Variants in SLC7A2 observed in about 807,000 individuals in gnomAD.
The protein encoded by SLC7A2 is cationic amino acid transporter 2.
SLC7A2 carries 48 observed loss-of-function variants against 58.9 expected under a neutral mutation model. That is an observed-to-expected ratio of 0.82 (90% CI 0.65 to 1.04). The LOEUF (loss-of-function observed/expected upper bound fraction) is 1.04. Among genes scored for constraint, SLC7A2 ranks in the 50% least tolerant of loss-of-function variants. SLC7A2 has a pLI of 0.00. For missense variants in SLC7A2, 1,029 were observed against 818.8 expected (o/e 1.26, Z -3.13); for synonymous variants, 363 against 314.5 (o/e 1.15, Z -1.63).
intron 2 of SLC7A2, among the ~76,000 whole-genome samples, chr8:17,514,153 AT>A (rs1800710359): frequency 6.6e-6 from 1 of 152,136 alleles, no homozygotes; most frequent in Non-Finnish European, 1.5e-5. Flanking sequence ...TCTCTCAGCA[AT>A]TTCATCCCAA....
At chr8:17,556,643 C>G (rs1802717038) in intron 8 of SLC7A2, among the ~76,000 whole-genome samples, 1 of 151,642 alleles carries the variant, frequency 6.6e-6, no homozygotes, top group Admixed American at 6.6e-5. Flanking sequence ...GGGTGTCACT[C>G]TGTCACCCAG....
intron 7 of SLC7A2, among the ~76,000 whole-genome samples, chr8:17,554,125 C>T (rs1802578554): frequency 6.6e-6 from 1 of 152,144 alleles, no homozygotes; most frequent in African/African-American, 2.4e-5. Context: ...ATAAAGGTTG[C>T]AACTATTGCT....
rs781511424 is a variant in SLC7A2 at position 17,543,434 on chromosome 8, G to A, written c.95G>A (p.Arg32His). 5.6e-6 allele frequency: 9 copies of A among 1,614,118 alleles called. No individual in the cohort carries two copies. Among genetic ancestry groups the A allele is most frequent in the East Asian group, 2.2e-5 (1 of 44,868 alleles). The part of the protein sequence containing the change: ...LDSLEDTKLC[R>H]CLSTMDLIAL... Reference sequence around the variant, plus strand: ...AGTCTAGAAGACACCAAATTATGCCGCTGCTTATCCACCATGGACCTCATT... The same window carrying A: ...AGTCTAGAAGACACCAAATTATGCCACTGCTTATCCACCATGGACCTCATT... Residue 32 changes from arginine (R) to histidine (H), a missense_variant, in exon 3 of 13, where the codon CGC becomes CAC. By Grantham distance (29) the Arg-to-His change is conservative. Coordinates refer to ENST00000494857, the MANE Select transcript of SLC7A2 (RefSeq NM_001370338.1).
At position 17,554,692 on chromosome 8, in the gene SLC7A2, A is replaced by C; in HGVS notation, c.1188A>C (p.Ala396=). The change falls in exon 8 of 13, where the codon GCA becomes GCC. Residue 396 remains alanine, a synonymous_variant. Transcript: ENST00000494857. ...TPIIATLSSG[A]VAALMAFLFD... ...TAATTGCTACTTTATCATCGGGTGC[A>C]GTGGCAGGTGAGAGAGAGTTGACTT... is the stretch of plus-strand genomic sequence containing the variant. 6.2e-7 allele frequency: 1 copy of C among 1,610,664 alleles called. No homozygotes were observed. The highest frequency in any genetic ancestry group is 8.5e-7 in the Non-Finnish European group (1 of 1,179,122).
intron 2 of SLC7A2, among the ~76,000 whole-genome samples, chr8:17,512,574 G>T (rs896463115): frequency 6.6e-6 from 1 of 152,032 alleles, no homozygotes; most frequent in African/African-American, 2.4e-5. Flanking sequence ...AGAACCCCAA[G>T]TGGAGTGGAG....
chr8:17,543,607 G>A lies in SLC7A2; in HGVS notation c.268G>A (p.Gly90Arg), dbSNP rs1802020734. ...VMAGLCYAEF[G>R]ARVPKTGSAY... ...GGCTGGCCTCTGCTATGCCGAATTT[G>A]GGGCCCGTGTTCCCAAGACGGGGTC... The change falls in exon 3 of 13, where the codon GGG becomes AGG. Residue 90 changes from glycine to arginine, a missense_variant. By Grantham distance (125) the Gly-to-Arg change is moderately radical. Coordinates refer to ENST00000494857, the MANE Select transcript of SLC7A2 (RefSeq NM_001370338.1). The A allele has an allele frequency of 6.2e-7, 1 of 1,603,694 alleles. No individual in the cohort carries two copies.
At chr8:17,558,184 C>T (rs1219851087) in intron 8 of SLC7A2, 111 bp from the exon 9 acceptor site, 1 of 684,048 alleles carries the variant, frequency 1.5e-6, no homozygotes, top group Non-Finnish European at 2.7e-6. Flanking sequence ...GTTGACTTAT[C>T]CTTGGTACTA....
At chr8:17,495,146 C>A (rs769282758), upstream of SLC7A2, among the ~76,000 whole-genome samples, 1 of 152,044 alleles carries the variant, frequency 6.6e-6, no homozygotes, top group Non-Finnish European at 1.5e-5. Flanking sequence ...TTTTTTCTTT[C>A]TTTATTTTAA....
At chr8:17,504,353 A>T (rs983517351) in intron 2 of SLC7A2, among the ~76,000 whole-genome samples, 1 of 152,170 alleles carries the variant, frequency 6.6e-6, no homozygotes, top group Non-Finnish European at 1.5e-5. Context: ...TGTCTAGGGG[A>T]TTGAAACCCT....
chr8:17,495,923 T>C (rs564728718), upstream of SLC7A2, among the ~76,000 whole-genome samples: 129 of 152,358 alleles, frequency 8.5e-4, 1 homozygote, highest in Non-Finnish European at 1.4e-3. Context: ...TGTGCTATCT[T>C]CTGGAATGAA....
intron 2 of SLC7A2, among the ~76,000 whole-genome samples, chr8:17,536,930 G>A (rs1184345858): frequency 2.0e-5 from 3 of 152,328 alleles, no homozygotes; most frequent in Non-Finnish European, 4.4e-5. Context: ...CACACCCAGC[G>A]TTAGAAGCGC....
At chr8:17,530,263 C>T (rs1176325902) in intron 2 of SLC7A2, among the ~76,000 whole-genome samples, 1 of 152,218 alleles carries the variant, frequency 6.6e-6, no homozygotes, top group Non-Finnish European at 1.5e-5. Context: ...AAAGAACCTT[C>T]TTGCTGTGTC....
intron 5 of SLC7A2, among the ~76,000 whole-genome samples, chr8:17,549,545 G>A (rs945278894): frequency 1.3e-5 from 2 of 152,162 alleles, no homozygotes; most frequent in Admixed American, 1.3e-4. Flanking sequence ...ATAACAATGA[G>A]TATTTTTGAG....
intron 2 of SLC7A2, among the ~76,000 whole-genome samples, chr8:17,542,724 A>G (rs938277458): frequency 6.6e-6 from 1 of 152,118 alleles, no homozygotes; most frequent in Non-Finnish European, 1.5e-5. Context: ...AAGATGAGGC[A>G]ATTCACTCCT....
chr8:17,501,108 G>C (rs1800142839), intron 1 of SLC7A2, among the ~76,000 whole-genome samples: 1 of 151,944 alleles, frequency 6.6e-6, no homozygotes, highest in South Asian at 2.1e-4. Context: ...TCACCTCGTG[G>C]GTTCAAGCAG....
At chr8:17,547,386 C>T (rs557166768) in intron 4 of SLC7A2, among the ~76,000 whole-genome samples, 3 of 152,088 alleles carry the variant, frequency 2.0e-5, no homozygotes, top group African/African-American at 7.2e-5. Flanking sequence ...CACTGGGTCC[C>T]TCCCATGATA....
At chr8:17,537,309 C>T (rs979495033) in intron 2 of SLC7A2, among the ~76,000 whole-genome samples, 5 of 152,170 alleles carry the variant, frequency 3.3e-5, no homozygotes, top group African/African-American at 7.2e-5. Flanking sequence ...CCTCAAGCCT[C>T]CCAAAGTGCT....
intron 2 of SLC7A2, among the ~76,000 whole-genome samples, chr8:17,503,433 C>G (rs1466834537): frequency 6.6e-6 from 1 of 152,124 alleles, no homozygotes; most frequent in Non-Finnish European, 1.5e-5. Flanking sequence ...TCCTGAAATT[C>G]ACTTTATATT....
chr8:17,543,537 C>A lies in SLC7A2; in HGVS notation c.198C>A (p.Pro66=). 1 of 1,613,040 alleles carries A rather than the reference C, an allele frequency of 6.2e-7. No homozygotes were observed. Among genetic ancestry groups the A allele is most frequent in the Non-Finnish European group, 8.5e-7 (1 of 1,179,414 alleles). The change falls in exon 3 of 13, where the codon CCC becomes CCA. Residue 66 remains proline (P), a synonymous_variant. Coordinates refer to ENST00000494857, the MANE Select transcript of SLC7A2 (RefSeq NM_001370338.1). ...AGEVAKADSG[P]SIVVSFLIAA... ...AGGTGGCCAAGGCAGACTCGGGCCC[C>A]AGCATCGTGGTGTCCTTCCTCATTG...
Sources: gnomAD v4.1 joint callset for allele counts (sites outside exome capture counted in the v4.1 genomes callset) on GRCh38, gnomAD v4.1.1 for gene constraint, MANE v1.5 for transcripts, NCBI Gene and HGNC (gene_info 2026-07-23, HGNC 2026-07-21) for gene names.